Variants in FYB2 observed in about 807,000 individuals in gnomAD.
FYB2 encodes FYN binding protein 2.
A neutral mutation model predicts 94.1 loss-of-function variants in FYB2; 103 were observed. The ratio of observed to expected loss-of-function variants is 1.09; its 90% confidence interval spans 0.93 to 1.29. FYB2 has a LOEUF of 1.29. FYB2 is among the 50% of genes most tolerant of loss of function. The probability of loss-of-function intolerance (pLI) is 0.00; values close to 1 mark genes in which losing one functional copy is unlikely to be tolerated. For missense variants in FYB2, 896 were observed against 841.5 expected (o/e 1.06, Z -0.80); for synonymous variants, 293 against 287.9 (o/e 1.02, Z -0.18).
chr1:56,732,136 T>C (rs1055117510), intron 15 of FYB2, among the ~76,000 whole-genome samples: 1 of 152,154 alleles, frequency 6.6e-6, no homozygotes, highest in Admixed American at 6.5e-5. Flanking sequence ...AGTAAAGTTT[T>C]AGGATACAAA....
At chr1:56,729,183 T>G (rs973053876) in intron 15 of FYB2, among the ~76,000 whole-genome samples, 4 of 152,136 alleles carry the variant, frequency 2.6e-5, no homozygotes, top group Non-Finnish European at 5.9e-5. Flanking sequence ...TTTCAGCTGT[T>G]GGGTGGCAGG....
the FYB2 span, chr1:56,824,851 C>G: frequency 6.6e-6 from 1 of 152,308 alleles, no homozygotes; most frequent in Non-Finnish European, 1.5e-5. Context: ...GCCCCACTAC[C>G]ATGGCCCCAT....
chr1:56,810,229 G>T (rs1235536559), intron 1 of FYB2, among the ~76,000 whole-genome samples: 1 of 152,032 alleles, frequency 6.6e-6, no homozygotes, highest in Non-Finnish European at 1.5e-5. Context: ...CTGTTAGGTG[G>T]CATTTTAGTT....
chr1:56,771,979 A>C (rs556112713), intron 4 of FYB2, among the ~76,000 whole-genome samples: 1 of 152,010 alleles, frequency 6.6e-6, no homozygotes, highest in South Asian at 2.1e-4. Context: ...TCTTTTGTGT[A>C]TATTCTCTGT....
intron 9 of FYB2, 60 bp downstream of exon 9, chr1:56,750,984 C>T (rs1318833130): frequency 1.3e-6 from 2 of 1,549,600 alleles, no homozygotes; most frequent in African/African-American, 2.8e-5. Flanking sequence ...AAATTTTGGC[C>T]ATGCTCAGCT....
intron 3 of FYB2, among the ~76,000 whole-genome samples, chr1:56,788,371 G>A (rs1431191902): frequency 6.6e-6 from 1 of 152,172 alleles, no homozygotes; most frequent in African/African-American, 2.4e-5. Flanking sequence ...ATAAGCTAAG[G>A]CATTTAAAAT....
At chr1:56,779,228 T>C (rs1450234517) in intron 4 of FYB2, among the ~76,000 whole-genome samples, 3 of 152,180 alleles carry the variant, frequency 2.0e-5, no homozygotes, top group Non-Finnish European at 4.4e-5. Context: ...AGTACAACAT[T>C]TTTGAATTTT....
chr1:56,798,770 G>A (rs1184183835), intron 1 of FYB2, among the ~76,000 whole-genome samples: 1 of 152,098 alleles, frequency 6.6e-6, no homozygotes, highest in Non-Finnish European at 1.5e-5. Context: ...TACAGACAAG[G>A]ATAGTGAGGC....
chr1:56,812,120 A>C (rs1318768182), intron 1 of FYB2, among the ~76,000 whole-genome samples: 1 of 152,198 alleles, frequency 6.6e-6, no homozygotes, highest in East Asian at 1.9e-4. Context: ...CTAGGATTTT[A>C]TCCTTTTCAT....
At chr1:56,747,682 C>T (rs1298107732) in intron 9 of FYB2, among the ~76,000 whole-genome samples, 1 of 152,058 alleles carries the variant, frequency 6.6e-6, no homozygotes, top group East Asian at 1.9e-4. Flanking sequence ...CAAGTCTTTG[C>T]TATTGTAAAT....
chr1:56,755,418 A>G (rs1216600604), intron 7 of FYB2, among the ~76,000 whole-genome samples: 9 of 152,110 alleles, frequency 5.9e-5, no homozygotes, highest in Admixed American at 5.9e-4. Flanking sequence ...GGGGTGCTTG[A>G]TGGATTAGTA....
At chr1:56,777,782 C>T (rs1382754619) in intron 4 of FYB2, among the ~76,000 whole-genome samples, 3 of 152,008 alleles carry the variant, frequency 2.0e-5, no homozygotes, top group Non-Finnish European at 4.4e-5. Flanking sequence ...ATGACCTTAT[C>T]ACCAACATCC....
chr1:56,736,512 G>A (rs1483040731), intron 15 of FYB2, among the ~76,000 whole-genome samples: 1 of 139,570 alleles, frequency 7.2e-6, no homozygotes, highest in African/African-American at 2.8e-5. Flanking sequence ...TACAACCTCT[G>A]CCTCAAAGGC....
At chr1:56,743,658 G>T (rs1569945795) in intron 11 of FYB2, among the ~76,000 whole-genome samples, 1 of 152,030 alleles carries the variant, frequency 6.6e-6, no homozygotes, top group Non-Finnish European at 1.5e-5. Context: ...GTCTGTAGGG[G>T]TAGGTTAGTC....
intron 5 of FYB2, among the ~76,000 whole-genome samples, chr1:56,759,485 AAC>A (rs1190919347): frequency 6.6e-6 from 1 of 152,224 alleles, no homozygotes; most frequent in African/African-American, 2.4e-5. Context: ...AGGTAATTGT[AAC>A]ACAGTTATAG....
At chr1:56,741,338 A>G (rs565566738) in intron 12 of FYB2, among the ~76,000 whole-genome samples, 1 of 152,246 alleles carries the variant, frequency 6.6e-6, no homozygotes, top group South Asian at 2.1e-4. Flanking sequence ...CCTTTAGAGG[A>G]AAAGATAACT....
rs61528573 is a variant in FYB2 at position 56,777,701 on chromosome 1, T to C, written c.953+9474A>G. Among the ~76,000 whole-genome samples the C allele has an allele frequency of 5.3e-5, 8 of 152,194 alleles. No individual in the cohort carries two copies. The East Asian group carries it at 1.6e-3, about 30-fold the overall frequency. ...ACTACACACTCTAATCATGTCAAATTACCCATAGTTCTTGAACACATGAGG... is the reference window on the plus strand; with the variant it reads ...ACTACACACTCTAATCATGTCAAATCACCCATAGTTCTTGAACACATGAGG... On this transcript the variant is annotated intron_variant, in intron 4 of 19. Transcript: ENST00000343433.
chr1:56,792,890 A>G, intron 1 of FYB2, 87 bp from the exon 2 acceptor site: 1 of 1,388,364 alleles, frequency 7.2e-7, no homozygotes, highest in Non-Finnish European at 9.8e-7. Context: ...TATTCCAAGA[A>G]AAAAAGTCAG....
Position 56,792,623 on chromosome 1 carries a change from G to A in FYB2, c.190C>T (p.Pro64Ser), listed in dbSNP as rs563435067. 1.2e-6 allele frequency: 2 copies of A among 1,614,074 alleles called. No homozygotes were observed. Among genetic ancestry groups the A allele is most frequent in the Non-Finnish European group, 1.7e-6 (2 of 1,180,004 alleles). Reference protein sequence around the residue: ...PLSSNHKQRTPYCSSSESQPL... With the variant: ...PLSSNHKQRTSYCSSSESQPL... ...TGGGACTCACTACTGGAACAGTATG[G>A]TGTGCGCTGCTTGTGGTTGGATGAG... Residue 64 changes from proline (P) to serine (S), a missense_variant, in exon 2 of 20, where the codon CCA becomes TCA. Pro to Ser is a moderately conservative substitution (Grantham distance 74). Transcript: ENST00000343433.
Sources: gnomAD v4.1 joint callset for allele counts (sites outside exome capture counted in the v4.1 genomes callset) on GRCh38, gnomAD v4.1.1 for gene constraint, MANE v1.5 for transcripts, NCBI Gene and HGNC (gene_info 2026-07-23, HGNC 2026-07-21) for gene names.